Variants in DENND6A observed in about 807,000 individuals in gnomAD.
DENND6A encodes the protein DENN domain containing 6A.
A neutral mutation model predicts 95.5 loss-of-function variants in DENND6A; 43 were observed. The observed-to-expected ratio is 0.45, with a 90% CI of 0.35 to 0.58. DENND6A has a LOEUF of 0.58. DENND6A is among the 20% of genes least tolerant of loss of function. The probability of loss-of-function intolerance (pLI) is 0.00; values close to 1 mark genes in which losing one functional copy is unlikely to be tolerated. For missense variants in DENND6A, 574 were observed against 736.0 expected (o/e 0.78, Z 2.55); for synonymous variants, 257 against 260.4 (o/e 0.99, Z 0.13).
At chr3:57,657,627 A>G in intron 9 of DENND6A, 53 bp downstream of exon 9, 1 of 1,174,684 alleles carries the variant, frequency 8.5e-7, no homozygotes, top group South Asian at 1.4e-5. Flanking sequence ...ATAAATTAAC[A>G]CCACCACCAC....
intron 18 of DENND6A, among the ~76,000 whole-genome samples, chr3:57,629,163 A>C (rs1450037021): frequency 2.0e-5 from 3 of 152,248 alleles, no homozygotes; most frequent in Non-Finnish European, 4.4e-5. Context: ...ACAAAATTGC[A>C]GCTCAAACTG....
intron 1 of DENND6A, 49 bp from the exon 2 acceptor site, chr3:57,672,487 A>G (rs1575856722): frequency 6.4e-7 from 1 of 1,571,782 alleles, no homozygotes; most frequent in Non-Finnish European, 8.7e-7. Flanking sequence ...AACATTAGTT[A>G]TAAACATATT....
intron 3 of DENND6A, among the ~76,000 whole-genome samples, chr3:57,671,321 G>C (rs201572487): frequency 2.6e-5 from 4 of 152,014 alleles, no homozygotes; most frequent in Non-Finnish European, 4.4e-5. Flanking sequence ...TCAAGAGATC[G>C]AGACCATCCT....
chr3:57,653,872 G>A (rs1035476452), intron 9 of DENND6A, among the ~76,000 whole-genome samples: 11 of 147,048 alleles, frequency 7.5e-5, no homozygotes, highest in African/African-American at 1.5e-4. Context: ...CCATTCTGGC[G>A]TATCATGCCT....
Position 57,659,141 on chromosome 3 carries a change from G to C in DENND6A, c.739C>G (p.Gln247Glu). ...PTCHDKPGTT[Q>E]IVQLTQQVDT... ...ACCTGCTGAGTTAACTGCACTATTT[G>C]AGTTGTCCCAGGCTTGTCATGACAT... The change falls in exon 8 of 20, where the codon CAA becomes GAA. Residue 247 changes from glutamine to glutamate, a missense_variant. Physicochemically the swap from Gln to Glu is conservative, Grantham distance 29. Transcript: ENST00000311128. 6.2e-7 allele frequency: 1 copy of C among 1,613,968 alleles called. No homozygotes were observed. The highest frequency in any genetic ancestry group is 1.3e-5 in the African/African-American group (1 of 75,010).
In DENND6A at chr3:57,691,749, T is replaced by G. The variant is rs1023050671; in HGVS notation, c.237+1033A>C. On this transcript the variant is annotated intron_variant, in intron 1 of 19. Transcript: ENST00000311128. The stretch of plus-strand genomic sequence containing the variant: ...TCTGATAACAATTTCCTTGGACACA[T>G]GAAAGCAAGCAATTCCTTATGCTAA... Among the ~76,000 whole-genome samples the G allele has an allele frequency of 3.4e-5, 5 of 145,258 alleles. No homozygotes were observed. In the East Asian group the frequency reaches 1.0e-3, roughly 29 times the overall value.
Position 57,625,527 on chromosome 3 carries a change from C to T in DENND6A, c.*2687G>A, listed in dbSNP as rs960141790. On this transcript the variant is annotated 3_prime_UTR_variant, in exon 20 of 20. Transcript: ENST00000311128. ...ATGCCTTCACAAAACCTCTTTTTCA[C>T]TGTAAATAGAAGGCACTAGGCATTA... 9.2e-5 allele frequency: 14 copies of T among 152,430 alleles called. No individual in the cohort carries two copies. Among genetic ancestry groups the T allele is most frequent in the Non-Finnish European group, 1.8e-4 (12 of 68,014 alleles). 9.4% of individuals were successfully genotyped at this position (152,430 alleles called of 1,614,324 possible).
At chr3:57,682,224 T>C (rs1332190954) in intron 1 of DENND6A, among the ~76,000 whole-genome samples, 1 of 128,998 alleles carries the variant, frequency 7.8e-6, no homozygotes, top group Non-Finnish European at 1.5e-5. Flanking sequence ...GAGGTTTTGG[T>C]GAGCCAAGAT....
chr3:57,663,911 G>C (rs949704130), intron 4 of DENND6A, among the ~76,000 whole-genome samples, 195 bp from the exon 5 acceptor site: 1 of 152,120 alleles, frequency 6.6e-6, no homozygotes, highest in African/African-American at 2.4e-5. Context: ...AGCCAGATCA[G>C]AACCTTCTAA....
chr3:57,680,704 CAAT>C (rs1186260932), intron 1 of DENND6A, among the ~76,000 whole-genome samples: 1 of 152,138 alleles, frequency 6.6e-6, no homozygotes, highest in African/African-American at 2.4e-5. Context: ...TAAAATATAA[CAAT>C]AAAAAGACAA....
At chr3:57,639,474 C>G (rs1160779329) in intron 12 of DENND6A, among the ~76,000 whole-genome samples, 1 of 152,162 alleles carries the variant, frequency 6.6e-6, no homozygotes, top group African/African-American at 2.4e-5. Flanking sequence ...CAGTAGTCTA[C>G]TACATTATAA....
chr3:57,650,545 C>G (rs1217179113), intron 9 of DENND6A, among the ~76,000 whole-genome samples: 6 of 151,940 alleles, frequency 3.9e-5, no homozygotes, highest in African/African-American at 1.5e-4. Flanking sequence ...CAGATCTTGT[C>G]TTCTAAATCT....
At chr3:57,656,856 G>A (rs1343959037) in intron 9 of DENND6A, among the ~76,000 whole-genome samples, 1 of 152,170 alleles carries the variant, frequency 6.6e-6, no homozygotes, top group Admixed American at 6.5e-5. Flanking sequence ...TACTTGGGTG[G>A]CTGAGGCAGG....
At chr3:57,644,897 C>G (rs12490892) in intron 11 of DENND6A, among the ~76,000 whole-genome samples, 2 of 149,712 alleles carry the variant, frequency 1.3e-5, no homozygotes, top group African/African-American at 5.0e-5. Flanking sequence ...TATTGATGAT[C>G]TGGCAAGAAC....
intron 1 of DENND6A, among the ~76,000 whole-genome samples, chr3:57,689,177 T>C (rs2077238465): frequency 6.6e-6 from 1 of 152,036 alleles, no homozygotes. Flanking sequence ...GTGGTCTCGA[T>C]CTCTTGACCT....
rs999044467 is a variant in DENND6A at position 57,672,167 on chromosome 3, T to C, written c.319+89A>G. Reference sequence around the variant, plus strand: ...TCATTGATCTGTTTGCAATCTAATATGCTATTTCAATCAATTTTCATACAT... The same window carrying C: ...TCATTGATCTGTTTGCAATCTAATACGCTATTTCAATCAATTTTCATACAT... On this transcript the variant is annotated intron_variant, in intron 3 of 19. Transcript: ENST00000311128. 20 of 1,223,358 alleles carry C rather than the reference T, an allele frequency of 1.6e-5. 1 individual carries two copies. The Middle Eastern group carries it at 1.1e-3, about 66-fold the overall frequency. The allele number at this position is 1,223,358 out of a possible 1,614,324, so 75.8% of individuals were successfully genotyped here.
intron 11 of DENND6A, among the ~76,000 whole-genome samples, chr3:57,642,063 C>T (rs1322993522): frequency 2.0e-5 from 3 of 151,982 alleles, no homozygotes; most frequent in Non-Finnish European, 4.4e-5. Flanking sequence ...GCCTGTAATC[C>T]CAGCACTTTC....
intron 12 of DENND6A, among the ~76,000 whole-genome samples, chr3:57,636,999 G>A (rs1210662686): frequency 6.8e-6 from 1 of 146,976 alleles, no homozygotes; most frequent in African/African-American, 2.5e-5. Flanking sequence ...TGAGTAAAAA[G>A]TTAAATACAG....
chr3:57,629,056 C>T (rs1428834660), intron 18 of DENND6A, among the ~76,000 whole-genome samples, 171 bp from the exon 19 acceptor site: 2 of 152,162 alleles, frequency 1.3e-5, no homozygotes, highest in Non-Finnish European at 2.9e-5. Context: ...ATTCTAATAA[C>T]TGTTAGATAA....
Sources: allele counts gnomAD v4.1 joint callset (sites outside exome capture counted in the v4.1 genomes callset), GRCh38; gene constraint gnomAD v4.1.1; transcripts MANE v1.5; gene names NCBI Gene and HGNC (gene_info 2026-07-23, HGNC 2026-07-21).